The following ADK variants were observed in gnomAD, a reference collection of about 807,000 sequenced individuals.
The protein encoded by ADK is adenosine kinase.
ADK carries 24 observed loss-of-function variants against 44.7 expected under a neutral mutation model. The observed-to-expected ratio is 0.54, with a 90% CI of 0.39 to 0.76. The LOEUF is 0.76. Among genes scored for constraint, ADK ranks in the 30% least tolerant of loss-of-function variants. The pLI is 0.00. For missense variants in ADK, 321 were observed against 425.1 expected (o/e 0.76, Z 2.15); for synonymous variants, 128 against 142.6 (o/e 0.90, Z 0.73).
At chr10:74,299,771 A>G (rs984963419) in intron 3 of ADK, among the ~76,000 whole-genome samples, 13 of 151,720 alleles carry the variant, frequency 8.6e-5, no homozygotes, top group African/African-American at 2.9e-4. Flanking sequence ...TATTATTTGA[A>G]TATCATTTAT....
At chr10:74,352,092 A>G (rs961100512) in intron 4 of ADK, among the ~76,000 whole-genome samples, 3 of 152,186 alleles carry the variant, frequency 2.0e-5, no homozygotes, top group African/African-American at 7.2e-5. Flanking sequence ...TTTCATATGG[A>G]ACCAAAAAGG....
At chr10:74,406,440 C>A (rs563013288) in intron 6 of ADK, among the ~76,000 whole-genome samples, 1 of 151,526 alleles carries the variant, frequency 6.6e-6, no homozygotes, top group South Asian at 2.1e-4. Context: ...GTTTCATTCA[C>A]TTTGGAAATT....
At chr10:74,365,750 TAATTCTATATTTAACTTTTTAAGGA>T (rs998226105) in intron 4 of ADK, among the ~76,000 whole-genome samples, 34 of 152,288 alleles carry the variant, frequency 2.2e-4, no homozygotes, top group African/African-American at 7.9e-4. Context: ...GGTCATATGG[TAATTCTATATTTAACTTTTTAAGGA>T]AATGCCAAAC....
chr10:74,511,662 CTT>C (rs1196807654), intron 6 of ADK, among the ~76,000 whole-genome samples: 3 of 152,156 alleles, frequency 2.0e-5, no homozygotes, highest in Non-Finnish European at 2.9e-5. Flanking sequence ...TATCCTGCAA[CTT>C]TATGGAATTC....
At chr10:74,683,826 C>T (rs1224663765) in intron 10 of ADK, among the ~76,000 whole-genome samples, 1 of 152,166 alleles carries the variant, frequency 6.6e-6, no homozygotes, top group African/African-American at 2.4e-5. Flanking sequence ...TGACATTTAC[C>T]AGACTGTTTG....
chr10:74,249,248 T>C (rs983969901), intron 3 of ADK, among the ~76,000 whole-genome samples: 5 of 152,210 alleles, frequency 3.3e-5, no homozygotes, highest in African/African-American at 4.8e-5. Context: ...TTTTTAGGCA[T>C]GCTAGAGGAA....
chr10:74,373,437 T>G (rs549134841), intron 4 of ADK, among the ~76,000 whole-genome samples: 1 of 152,156 alleles, frequency 6.6e-6, no homozygotes, highest in Non-Finnish European at 1.5e-5. Context: ...TTATCTTGAA[T>G]ATATAAAGAA....
chr10:74,343,964 A>G (rs1592074258), intron 4 of ADK, among the ~76,000 whole-genome samples: 1 of 152,092 alleles, frequency 6.6e-6, no homozygotes, highest in Non-Finnish European at 1.5e-5. Context: ...TTTCTATTCT[A>G]TTGATATGAT....
chr10:74,675,331 A>C (rs1855349877), intron 10 of ADK, among the ~76,000 whole-genome samples: 1 of 152,188 alleles, frequency 6.6e-6, no homozygotes, highest in Admixed American at 6.5e-5. Context: ...AAAATGAGTA[A>C]CCCAAATGTA....
At chr10:74,347,317 G>A (rs1292427110) in intron 4 of ADK, among the ~76,000 whole-genome samples, 1 of 151,838 alleles carries the variant, frequency 6.6e-6, no homozygotes, top group Non-Finnish European at 1.5e-5. Context: ...CCTCACCTGG[G>A]AGGTGCAAGG....
intron 9 of ADK, among the ~76,000 whole-genome samples, chr10:74,634,638 T>C (rs1351280384): frequency 1.3e-5 from 2 of 151,170 alleles, no homozygotes; most frequent in East Asian, 3.9e-4. Flanking sequence ...GTGTGGAAAA[T>C]GAAGAGAAAA....
chr10:74,422,956 A>C (rs2133038520), intron 6 of ADK, among the ~76,000 whole-genome samples: 1 of 152,256 alleles, frequency 6.6e-6, no homozygotes, highest in South Asian at 2.1e-4. Context: ...CAGCCAGCTG[A>C]AGGAAGAGCT....
At chr10:74,238,520 T>TA (rs1845062319) in intron 3 of ADK, among the ~76,000 whole-genome samples, 1 of 152,086 alleles carries the variant, frequency 6.6e-6, no homozygotes, top group South Asian at 2.1e-4. Context: ...CCTTGTGCAC[T>TA]AAAAAAATTT....
intron 6 of ADK, among the ~76,000 whole-genome samples, chr10:74,516,041 G>A (rs927707916): frequency 1.3e-5 from 2 of 152,180 alleles, no homozygotes; most frequent in African/African-American, 4.8e-5. Flanking sequence ...CCATGTTACA[G>A]CAGTTTGGCT....
chr10:74,217,706 C>T (rs1157126519), intron 2 of ADK, among the ~76,000 whole-genome samples: 9 of 152,172 alleles, frequency 5.9e-5, no homozygotes, highest in African/African-American at 9.7e-5. Flanking sequence ...GCAGCATTCG[C>T]GGTTCACGAA....
chr10:74,602,759 A>G (rs1852187741), intron 9 of ADK, among the ~76,000 whole-genome samples: 1 of 152,254 alleles, frequency 6.6e-6, no homozygotes, highest in Non-Finnish European at 1.5e-5. Context: ...TACAAAAGCA[A>G]ACATGATAAA....
intron 1 of ADK, among the ~76,000 whole-genome samples, chr10:74,183,092 TGTAGTCCC>T (rs1842621969): frequency 6.6e-6 from 1 of 152,076 alleles, no homozygotes; most frequent in African/African-American, 2.4e-5. Context: ...CCTGTAGTCC[TGTAGTCCC>T]ACCTTTGTAT....
chr10:74,556,488 T>G (rs1336485023), intron 7 of ADK, among the ~76,000 whole-genome samples: 1 of 152,228 alleles, frequency 6.6e-6, no homozygotes, highest in African/African-American at 2.4e-5. Context: ...AAAGAACAGT[T>G]TCACTAGCTT....
At chr10:74,677,965 CAAAAAAA>C (rs3037448) in intron 10 of ADK, among the ~76,000 whole-genome samples, 144 of 43,074 alleles carry the variant, frequency 3.3e-3, no homozygotes, top group Non-Finnish European at 4.0e-3. Flanking sequence ...CCAGTCTCTA[CAAAAAAA>C]AAAAAAAAAA....
Sources: allele counts gnomAD v4.1 joint callset (sites outside exome capture counted in the v4.1 genomes callset), GRCh38; gene constraint gnomAD v4.1.1; transcripts MANE v1.5; gene names NCBI Gene and HGNC (gene_info 2026-07-23, HGNC 2026-07-21).